The following TMTC2 variants were observed in gnomAD, a reference collection of about 807,000 sequenced individuals.
The protein encoded by TMTC2 is transmembrane O-mannosyltransferase targeting cadherins 2.
TMTC2 carries 43 observed loss-of-function variants against 82.4 expected under a neutral mutation model. The ratio of observed to expected loss-of-function variants is 0.52; its 90% confidence interval spans 0.41 to 0.67. The LOEUF (loss-of-function observed/expected upper bound fraction) is 0.67, where lower values mean the gene tolerates loss of function less well. Ranked by LOEUF, TMTC2 falls within the 30% of genes least tolerant of loss-of-function variation. TMTC2 has a pLI of 0.00. For synonymous variants in TMTC2, 408 were observed against 381.9 expected, an observed-to-expected ratio of 1.07 and a Z score of -0.80; for missense variants, 919 against 1,012.4, an observed-to-expected ratio of 0.91 and a Z score of 1.25.
intron 8 of TMTC2, among the ~76,000 whole-genome samples, chr12:83,017,851 C>T (rs1880743240): frequency 1.3e-5 from 2 of 150,162 alleles, no homozygotes; most frequent in Admixed American, 1.3e-4. Context: ...AGTGGCTTTT[C>T]ATGACTGTTT....
chr12:83,094,330 A>G (rs1246252834), intron 11 of TMTC2, among the ~76,000 whole-genome samples: 1 of 152,210 alleles, frequency 6.6e-6, no homozygotes, highest in African/African-American at 2.4e-5. Flanking sequence ...GAGCATTTCC[A>G]CTTTTGAAGG....
In TMTC2 at chr12:82,733,132, TAAG is replaced by T. The variant is rs1874914917; in HGVS notation, c.83+45466_83+45468del. Among the ~76,000 whole-genome samples, 3 of 152,202 alleles carry T rather than the reference TAAG, an allele frequency of 2.0e-5. No homozygotes were observed. The South Asian group carries it at 6.2e-4, about 31-fold the overall frequency. On this transcript the variant is annotated intron_variant, in intron 1 of 11. Transcript: ENST00000321196. ...TCCATTATGCATACGTAAATACTGT[TAAG>T]AAAGTAAGTTGAGTAATAGAAATGA...
At chr12:82,903,985 A>C (rs1417091967) in intron 3 of TMTC2, among the ~76,000 whole-genome samples, 1 of 152,150 alleles carries the variant, frequency 6.6e-6, no homozygotes, top group Non-Finnish European at 1.5e-5. Context: ...GTGTGACTGC[A>C]TCTGTGTGTG....
chr12:82,695,676 T>C (rs1030221210), intron 1 of TMTC2, among the ~76,000 whole-genome samples: 5 of 152,228 alleles, frequency 3.3e-5, no homozygotes, highest in Non-Finnish European at 7.3e-5. Context: ...CTCAAGGACT[T>C]ACTGGTTGTC....
chr12:83,008,227 C>G (rs1485363595), intron 8 of TMTC2, among the ~76,000 whole-genome samples: 5 of 152,112 alleles, frequency 3.3e-5, no homozygotes, highest in Admixed American at 6.6e-5. Context: ...TTTTGAATCT[C>G]TGGTTTTGTA....
chr12:83,015,057 T>G (rs1880614651), intron 8 of TMTC2, among the ~76,000 whole-genome samples: 1 of 152,224 alleles, frequency 6.6e-6, no homozygotes, highest in Non-Finnish European at 1.5e-5. Context: ...TTCCCAAGGC[T>G]GTATTCTTTC....
intron 11 of TMTC2, among the ~76,000 whole-genome samples, chr12:83,099,034 A>T (rs568695772): frequency 6.6e-6 from 1 of 152,366 alleles, no homozygotes; most frequent in East Asian, 1.9e-4. Flanking sequence ...ACTAGGCTGC[A>T]TGAGAGAGAA....
At chr12:82,690,381 A>G (rs1872525455) in intron 1 of TMTC2, 1 of 985,318 alleles carries the variant, frequency 1.0e-6, no homozygotes, top group African/African-American at 1.7e-5. Flanking sequence ...CTCAAGGGAG[A>G]TGGCTGTTAT....
intron 1 of TMTC2, among the ~76,000 whole-genome samples, chr12:82,854,634 G>A (rs1439002495): frequency 1.3e-5 from 2 of 152,076 alleles, no homozygotes; most frequent in African/African-American, 4.8e-5. Flanking sequence ...AAAAATTAAA[G>A]TTCATTTGTA....
intron 1 of TMTC2, among the ~76,000 whole-genome samples, chr12:82,726,683 A>C (rs953281847): frequency 2.0e-5 from 3 of 152,078 alleles, no homozygotes; most frequent in Non-Finnish European, 4.4e-5. Flanking sequence ...GATAGAGACC[A>C]TCCTGGCTAA....
At chr12:82,970,537 G>T (rs1878408020) in intron 7 of TMTC2, among the ~76,000 whole-genome samples, 1 of 151,070 alleles carries the variant, frequency 6.6e-6, no homozygotes, top group Non-Finnish European at 1.5e-5. Flanking sequence ...GTTTCACCTT[G>T]TTAGCCAGGA....
chr12:82,696,964 G>GATATA (rs1872824363), intron 1 of TMTC2, among the ~76,000 whole-genome samples: 1 of 141,514 alleles, frequency 7.1e-6, no homozygotes, highest in Non-Finnish European at 1.5e-5. Context: ...ACATACATAC[G>GATATA]TATATATATA....
At chr12:82,959,472 A>G (rs1275007731) in intron 4 of TMTC2, among the ~76,000 whole-genome samples, 1 of 152,188 alleles carries the variant, frequency 6.6e-6, no homozygotes, top group Non-Finnish European at 1.5e-5. Flanking sequence ...ATACAAAATC[A>G]GACACATAGA....
intron 4 of TMTC2, among the ~76,000 whole-genome samples, chr12:82,933,901 A>G (rs1876174363): frequency 6.6e-6 from 1 of 152,230 alleles, no homozygotes; most frequent in Admixed American, 6.5e-5. Context: ...ATAAGATCAT[A>G]AATATTTGAG....
chr12:82,965,589 A>G lies in TMTC2; in HGVS notation c.1714A>G (p.Met572Val). The G allele has an allele frequency of 6.2e-7, 1 of 1,613,670 alleles. No individual in the cohort carries two copies. Among genetic ancestry groups the G allele is most frequent in the Non-Finnish European group, 8.5e-7 (1 of 1,179,676 alleles). The change falls in exon 6 of 12, where the codon ATG (methionine) becomes GTG (valine). Residue 572 changes from methionine (M) to valine (V), a missense_variant. Transcript: ENST00000321196. The part of the protein sequence containing the change: ...SAYLNTGIIL[M>V]NQGRTEEARR... ...ATATTTAAATACCGGTATTATTCTA[A>G]TGAACCAAGGAAGGACGGAAGAAGC...
intron 1 of TMTC2, among the ~76,000 whole-genome samples, chr12:82,804,760 A>G (rs138929529): frequency 1.6e-4 from 25 of 152,224 alleles, no homozygotes; most frequent in Non-Finnish European, 2.9e-4. Flanking sequence ...CTCAGTTTTC[A>G]TAAGAAATCT....
At chr12:82,889,766 T>C (rs1486301562) in intron 2 of TMTC2, among the ~76,000 whole-genome samples, 2 of 152,190 alleles carry the variant, frequency 1.3e-5, no homozygotes, top group East Asian at 1.9e-4. Flanking sequence ...TATGTTGATA[T>C]TTATGCATAT....
At chr12:82,704,911 C>T (rs779491988) in intron 1 of TMTC2, among the ~76,000 whole-genome samples, 18 of 152,034 alleles carry the variant, frequency 1.2e-4, no homozygotes, top group Non-Finnish European at 1.8e-4. Flanking sequence ...CGGCACAATT[C>T]GCAATGGCAA....
chr12:82,976,610 A>G (rs1019792747), intron 7 of TMTC2, among the ~76,000 whole-genome samples: 2 of 152,044 alleles, frequency 1.3e-5, no homozygotes, highest in South Asian at 2.1e-4. Context: ...AGGATTTCCA[A>G]TCAGAAGCAA....
Sources: allele counts gnomAD v4.1 joint callset (sites outside exome capture counted in the v4.1 genomes callset), GRCh38; gene constraint gnomAD v4.1.1; transcripts MANE v1.5; gene names NCBI Gene and HGNC (gene_info 2026-07-23, HGNC 2026-07-21).